LRRIQ3: variants seen among roughly 807,000 people sequenced by gnomAD.
LRRIQ3 encodes leucine rich repeats and IQ motif containing 3.
A neutral mutation model predicts 59.3 loss-of-function variants in LRRIQ3; 75 were observed. The observed-to-expected ratio is 1.26, with a 90% confidence interval of 1.05 to 1.53. The LOEUF (loss-of-function observed/expected upper bound fraction) is 1.53. Ranked by LOEUF, LRRIQ3 falls within the 40% of genes most tolerant of loss-of-function variation. LRRIQ3 has a pLI of 0.00. For missense variants in LRRIQ3, 831 were observed against 710.0 expected, an observed-to-expected ratio of 1.17 and a Z score of -1.94; for synonymous variants, 250 against 231.3, an observed-to-expected ratio of 1.08 and a Z score of -0.73.
chr1:74,186,654 C>T (rs1650398436), intron 1 of LRRIQ3, among the ~76,000 whole-genome samples: 1 of 152,064 alleles, frequency 6.6e-6, no homozygotes, highest in African/African-American at 2.4e-5. Context: ...GTAAATAAGA[C>T]ATAGAGTTTG....
intron 3 of LRRIQ3, among the ~76,000 whole-genome samples, chr1:74,162,637 G>T (rs997123559): frequency 1.3e-5 from 2 of 151,728 alleles, no homozygotes; most frequent in South Asian, 2.1e-4. Context: ...TGTATAAAAT[G>T]ATGCAAAACA....
intron 5 of LRRIQ3, among the ~76,000 whole-genome samples, chr1:74,102,916 A>T (rs1183532144): frequency 6.6e-6 from 1 of 152,028 alleles, no homozygotes; most frequent in Non-Finnish European, 1.5e-5. Context: ...ATGGTGTCAA[A>T]GATGGGTTTC....
At chr1:74,153,939 C>T (rs757209352) in intron 4 of LRRIQ3, among the ~76,000 whole-genome samples, 18 of 151,960 alleles carry the variant, frequency 1.2e-4, no homozygotes, top group Admixed American at 5.2e-4. Context: ...ATAACAACAA[C>T]AATGATAATT....
chr1:74,058,335 T>A (rs1654599440), intron 6 of LRRIQ3, among the ~76,000 whole-genome samples: 2 of 152,032 alleles, frequency 1.3e-5, no homozygotes, highest in African/African-American at 4.8e-5. Context: ...CATCAATAGA[T>A]GAATGGATAA....
At chr1:74,039,304 T>C (rs1419448399) in intron 7 of LRRIQ3, among the ~76,000 whole-genome samples, 1 of 151,590 alleles carries the variant, frequency 6.6e-6, no homozygotes, top group Non-Finnish European at 1.5e-5. Context: ...ATGAACAAAA[T>C]CTCTGAGAAA....
intron 1 of LRRIQ3, among the ~76,000 whole-genome samples, chr1:74,191,441 T>C (rs1426877195): frequency 6.6e-6 from 1 of 152,092 alleles, no homozygotes; most frequent in Non-Finnish European, 1.5e-5. Context: ...AAAATAATAA[T>C]AGCAACTAGT....
intron 5 of LRRIQ3, among the ~76,000 whole-genome samples, chr1:74,093,726 T>C (rs1377656909): frequency 6.6e-6 from 1 of 152,056 alleles, no homozygotes; most frequent in South Asian, 2.1e-4. Flanking sequence ...CACTCATTCA[T>C]GGTCTAAAAT....
chr1:74,037,390 C>A (rs1480042666), intron 7 of LRRIQ3, among the ~76,000 whole-genome samples: 1 of 152,052 alleles, frequency 6.6e-6, no homozygotes, highest in South Asian at 2.1e-4. Context: ...GTAATCCCAG[C>A]AATTTGGGAG....
chr1:74,175,201 C>T (rs1208906474), intron 3 of LRRIQ3, among the ~76,000 whole-genome samples: 1 of 152,122 alleles, frequency 6.6e-6, no homozygotes, highest in African/African-American at 2.4e-5. Context: ...GCCAGCTGGT[C>T]TGCTGGGGCC....
chr1:74,119,407 CTACTT>C (rs1319764258), intron 4 of LRRIQ3, among the ~76,000 whole-genome samples: 2 of 151,904 alleles, frequency 1.3e-5, no homozygotes, highest in African/African-American at 2.4e-5. Flanking sequence ...CTTTGCTCGA[CTACTT>C]TATATACAAG....
At chr1:74,068,986 A>T (rs538503837) in intron 6 of LRRIQ3, among the ~76,000 whole-genome samples, 4 of 152,176 alleles carry the variant, frequency 2.6e-5, no homozygotes, top group East Asian at 3.9e-4. Flanking sequence ...TTCGTTTCAG[A>T]TATAAGTGGA....
intron 6 of LRRIQ3, among the ~76,000 whole-genome samples, chr1:74,058,056 A>C (rs969515617): frequency 2.7e-5 from 4 of 146,854 alleles, no homozygotes; most frequent in Admixed American, 2.0e-4. Flanking sequence ...ATTATCAAAA[A>C]AACAAAAAAC....
At chr1:74,094,719 TG>T (rs2100524566) in intron 5 of LRRIQ3, among the ~76,000 whole-genome samples, 1 of 152,226 alleles carries the variant, frequency 6.6e-6, no homozygotes, top group Admixed American at 6.6e-5. Flanking sequence ...AATTTGGGGA[TG>T]CTATTAGAGA....
chr1:74,100,810 AG>A (rs1646518491), intron 5 of LRRIQ3, among the ~76,000 whole-genome samples: 2 of 152,178 alleles, frequency 1.3e-5, no homozygotes, highest in South Asian at 4.1e-4. Flanking sequence ...AAATGGGGAA[AG>A]GATTCCCTAT....
At chr1:74,098,664 C>G (rs1457432994) in intron 5 of LRRIQ3, among the ~76,000 whole-genome samples, 5 of 152,154 alleles carry the variant, frequency 3.3e-5, no homozygotes, top group Admixed American at 3.3e-4. Context: ...GTAAAGCACT[C>G]CTCAGCAAAT....
chr1:74,110,370 G>T (rs1418789920), intron 4 of LRRIQ3, among the ~76,000 whole-genome samples: 7 of 151,810 alleles, frequency 4.6e-5, no homozygotes, highest in Non-Finnish European at 1.0e-4. Flanking sequence ...TGTAAGCAAA[G>T]AATAATAACA....
rs1045816964 is a variant in LRRIQ3 at position 74,101,204 on chromosome 1, A to T, written c.867+8190T>A. On this transcript the variant is annotated intron_variant, in intron 5 of 7. Coordinates refer to ENST00000354431, the MANE Select transcript of LRRIQ3 (RefSeq NM_001105659.2). ...CAGAATCTACAAAGCACTCAAACAAACTTACAAGAAAAAAACAAACAACCC... is the reference window on the plus strand; with the variant it reads ...CAGAATCTACAAAGCACTCAAACAATCTTACAAGAAAAAAACAAACAACCC... Among the ~76,000 whole-genome samples the T allele has an allele frequency of 3.9e-5, 6 of 152,248 alleles. No homozygotes were observed. In the South Asian group the frequency reaches 1.2e-3, roughly 32 times the overall value.
intron 3 of LRRIQ3, among the ~76,000 whole-genome samples, chr1:74,179,681 T>G (rs569328469): frequency 1.5e-4 from 23 of 152,056 alleles, no homozygotes; most frequent in African/African-American, 5.5e-4. Flanking sequence ...CAAAGAATAA[T>G]CAAAAGAACT....
At chr1:74,092,273 G>A (rs562973903) in intron 5 of LRRIQ3, among the ~76,000 whole-genome samples, 1 of 152,072 alleles carries the variant, frequency 6.6e-6, no homozygotes, top group African/African-American at 2.4e-5. Flanking sequence ...GTCCTAGACT[G>A]TATACCTCTG....
Sources: gnomAD v4.1 joint callset for allele counts (sites outside exome capture counted in the v4.1 genomes callset) on GRCh38, gnomAD v4.1.1 for gene constraint, MANE v1.5 for transcripts, NCBI Gene and HGNC (gene_info 2026-07-23, HGNC 2026-07-21) for gene names.